Variants in DPYD observed in about 807,000 individuals in gnomAD.
DPYD encodes dihydropyrimidine dehydrogenase.
In DPYD, 109 loss-of-function variants were observed where a neutral mutation model predicts 116.2. That is an observed-to-expected ratio of 0.94 (90% confidence interval 0.80 to 1.10). DPYD has a LOEUF of 1.10. DPYD is among the 50% of genes least tolerant of loss of function. The pLI is 0.00. For synonymous variants in DPYD, 440 were observed against 432.0 expected (o/e 1.02, Z -0.23); for missense variants, 1,302 against 1,254.5 (o/e 1.04, Z -0.57).
intron 19 of DPYD, among the ~76,000 whole-genome samples, chr1:97,214,899 C>T (rs1660273258): frequency 6.6e-6 from 1 of 152,198 alleles, no homozygotes; most frequent in Non-Finnish European, 1.5e-5. Flanking sequence ...AATTTTATCT[C>T]CCAACAAAAC....
chr1:97,579,695 C>T (rs1234282288), intron 10 of DPYD, among the ~76,000 whole-genome samples: 1 of 152,190 alleles, frequency 6.6e-6, no homozygotes, highest in African/African-American at 2.4e-5. Flanking sequence ...CCTCATGGCA[C>T]CCATATATAT....
intron 3 of DPYD, among the ~76,000 whole-genome samples, chr1:97,764,878 T>C (rs1297560578): frequency 6.6e-6 from 1 of 152,164 alleles, no homozygotes; most frequent in Non-Finnish European, 1.5e-5. Context: ...AATTTATACA[T>C]TCAATGAATA....
At chr1:97,403,644 G>A (rs1314644590) in intron 14 of DPYD, among the ~76,000 whole-genome samples, 4 of 151,944 alleles carry the variant, frequency 2.6e-5, no homozygotes, top group Non-Finnish European at 4.4e-5. Flanking sequence ...CCTGGGACCC[G>A]TAGTGATGTC....
At chr1:97,666,005 T>A (rs1659536930) in intron 8 of DPYD, among the ~76,000 whole-genome samples, 1 of 152,226 alleles carries the variant, frequency 6.6e-6, no homozygotes, top group South Asian at 2.1e-4. Context: ...GCCTAGAGGC[T>A]AAGATAAATT....
intron 3 of DPYD, among the ~76,000 whole-genome samples, chr1:97,745,089 A>G (rs562708935): frequency 6.1e-4 from 93 of 152,170 alleles, no homozygotes; most frequent in African/African-American, 2.1e-3. Flanking sequence ...ATAATCCATT[A>G]ACAGCCCTTC....
At chr1:97,107,946 T>C (rs1169466364) in intron 20 of DPYD, among the ~76,000 whole-genome samples, 3 of 152,056 alleles carry the variant, frequency 2.0e-5, no homozygotes, top group Admixed American at 2.0e-4. Context: ...GTAGAAACCA[T>C]TAAAAAAAAT....
At chr1:97,389,609 TTC>T (rs1672563033) in intron 14 of DPYD, among the ~76,000 whole-genome samples, 1 of 151,996 alleles carries the variant, frequency 6.6e-6, no homozygotes, top group African/African-American at 2.4e-5. Context: ...TGAAAAGCCA[TTC>T]TTTTAGTGAA....
chr1:97,838,648 A>C (rs909745710), intron 2 of DPYD, among the ~76,000 whole-genome samples: 1 of 151,458 alleles, frequency 6.6e-6, no homozygotes, highest in African/African-American at 2.4e-5. Context: ...GATCGAGACC[A>C]TCCTGGCTAA....
chr1:97,347,016 T>C (rs186752841), intron 16 of DPYD, among the ~76,000 whole-genome samples: 82 of 151,034 alleles, frequency 5.4e-4, no homozygotes, highest in African/African-American at 1.7e-3. Context: ...CAGTGGATTC[T>C]TTTGGATATT....
chr1:97,688,990 A>G (rs1660875647), intron 7 of DPYD, among the ~76,000 whole-genome samples: 1 of 151,854 alleles, frequency 6.6e-6, no homozygotes, highest in Non-Finnish European at 1.5e-5. Context: ...TATTAATGTA[A>G]GACTAGAAAA....
At chr1:97,743,100 G>A (rs1320562941) in intron 3 of DPYD, among the ~76,000 whole-genome samples, 1 of 152,070 alleles carries the variant, frequency 6.6e-6, no homozygotes, top group African/African-American at 2.4e-5. Flanking sequence ...TCACTTAACA[G>A]TATTGACAAT....
chr1:97,085,023 T>C (rs290850), intron 21 of DPYD, among the ~76,000 whole-genome samples: 145,120 of 152,230 alleles, frequency 0.95, 69,394 homozygotes, highest in East Asian at 1. Context: ...TTTATTGATA[T>C]GAGTATTTTA....
At chr1:97,501,675 A>C (rs1347090710) in intron 13 of DPYD, among the ~76,000 whole-genome samples, 1 of 151,972 alleles carries the variant, frequency 6.6e-6, no homozygotes, top group Non-Finnish European at 1.5e-5. Context: ...TCCAGCCTGG[A>C]TGACAGTATG....
chr1:97,656,823 T>A (rs183434878), intron 8 of DPYD, among the ~76,000 whole-genome samples: 144 of 152,110 alleles, frequency 9.5e-4, no homozygotes, highest in African/African-American at 2.8e-3. Context: ...TTTTTATTTT[T>A]TTTTTTTTCA....
chr1:97,501,827 C>A (rs553142419), intron 13 of DPYD, among the ~76,000 whole-genome samples: 3 of 152,124 alleles, frequency 2.0e-5, no homozygotes, highest in Admixed American at 2.0e-4. Context: ...AATCACACCT[C>A]AGCATTTTAA....
intron 18 of DPYD, among the ~76,000 whole-genome samples, chr1:97,241,780 G>T (rs572780432): frequency 6.6e-6 from 1 of 151,818 alleles, no homozygotes; most frequent in South Asian, 2.1e-4. Context: ...AATATTCCAG[G>T]GAGTTTGGAT....
At chr1:97,108,179 G>T (rs1651312343) in intron 20 of DPYD, among the ~76,000 whole-genome samples, 1 of 152,098 alleles carries the variant, frequency 6.6e-6, no homozygotes, top group Non-Finnish European at 1.5e-5. Flanking sequence ...CTTGCTGGGG[G>T]AGGTAATGTG....
intron 4 of DPYD, among the ~76,000 whole-genome samples, chr1:97,737,780 C>T (rs1279435691): frequency 1.3e-5 from 2 of 152,028 alleles, no homozygotes; most frequent in African/African-American, 4.8e-5. Flanking sequence ...TATACACACA[C>T]ACATACATGC....
At chr1:97,568,151 TA>T (rs890844036) in intron 11 of DPYD, among the ~76,000 whole-genome samples, 1 of 152,022 alleles carries the variant, frequency 6.6e-6, no homozygotes. Context: ...AATTTCTCAT[TA>T]AAAAAATCAT....
Sources: allele counts gnomAD v4.1 joint callset (sites outside exome capture counted in the v4.1 genomes callset), GRCh38; gene constraint gnomAD v4.1.1; transcripts MANE v1.5; gene names NCBI Gene and HGNC (gene_info 2026-07-23, HGNC 2026-07-21).